The following XKR9 variants were observed in gnomAD, a reference collection of about 807,000 sequenced individuals.
The protein encoded by XKR9 is XK related 9, also known as XK-related protein 9.
A neutral mutation model predicts 32.0 loss-of-function variants in XKR9; 32 were observed. The observed-to-expected ratio is 1.00, with a 90% CI of 0.76 to 1.34. XKR9 has a LOEUF of 1.34. Ranked by LOEUF, XKR9 falls within the 40% of genes most tolerant of loss-of-function variation. XKR9 has a pLI of 0.00. For synonymous variants in XKR9, 168 were observed against 143.4 expected, an observed-to-expected ratio of 1.17 and a Z score of -1.22; for missense variants, 546 against 429.7, an observed-to-expected ratio of 1.27 and a Z score of -2.39.
At chr8:70,852,113 A>T in the XKR9 span, among the ~76,000 whole-genome samples, 2 of 152,232 alleles carry the variant, frequency 1.3e-5, no homozygotes, top group Non-Finnish European at 2.9e-5. Context: ...CCCATCAAAA[A>T]GTGGGTGAAA....
At chr8:70,888,704 A>G in the XKR9 span, among the ~76,000 whole-genome samples, 1 of 152,122 alleles carries the variant, frequency 6.6e-6, no homozygotes, top group East Asian at 1.9e-4. Flanking sequence ...TATTTTTTGA[A>G]GAGGATGTTC....
At chr8:70,970,883 G>A in the XKR9 span, among the ~76,000 whole-genome samples, 1 of 152,212 alleles carries the variant, frequency 6.6e-6, no homozygotes, top group Admixed American at 6.5e-5. Context: ...AATCATTGTG[G>A]AAGACAGTGT....
At chr8:70,966,230 T>C in the XKR9 span, among the ~76,000 whole-genome samples, 1 of 151,880 alleles carries the variant, frequency 6.6e-6, no homozygotes, top group Admixed American at 6.6e-5. Context: ...TGGTTTTGAG[T>C]GAGTTTCTTT....
chr8:70,855,240 G>A, the XKR9 span, among the ~76,000 whole-genome samples: 1 of 152,014 alleles, frequency 6.6e-6, no homozygotes, highest in Admixed American at 6.6e-5. Flanking sequence ...AAAAAAATTA[G>A]ACGAATGGTT....
At chr8:70,796,134 G>A in the XKR9 span, among the ~76,000 whole-genome samples, 4 of 151,882 alleles carry the variant, frequency 2.6e-5, no homozygotes. Context: ...TGTCACAGGG[G>A]TTTGGTGTAC....
At chr8:70,959,602 A>G in the XKR9 span, among the ~76,000 whole-genome samples, 1 of 152,206 alleles carries the variant, frequency 6.6e-6, no homozygotes, top group Non-Finnish European at 1.5e-5. Flanking sequence ...TTGCTGACTT[A>G]TGCATTTTAG....
At chr8:70,867,892 G>T in the XKR9 span, among the ~76,000 whole-genome samples, 3 of 152,230 alleles carry the variant, frequency 2.0e-5, no homozygotes, top group African/African-American at 7.2e-5. Context: ...TACAATGGGG[G>T]TATAGGCATT....
chr8:70,685,840 T>C (rs1356378955), intron 3 of XKR9, among the ~76,000 whole-genome samples: 2 of 151,654 alleles, frequency 1.3e-5, no homozygotes, highest in Non-Finnish European at 2.9e-5. Context: ...CATATGTAAC[T>C]AACCTGCATA....
chr8:70,755,899 T>TA (rs373747577), intron 2 of XKR9, among the ~76,000 whole-genome samples: 47,798 of 151,242 alleles, frequency 0.32, 8,803 homozygotes, highest in Non-Finnish European at 0.43. Flanking sequence ...ACCCTAAAAC[T>TA]TAAAGTATAA....
the XKR9 span, among the ~76,000 whole-genome samples, chr8:71,028,891 T>TGA: frequency 1.5e-5 from 2 of 133,330 alleles, no homozygotes; most frequent in African/African-American, 5.6e-5. Flanking sequence ...ATTCTAGAAA[T>TGA]GAGAGAGACA....
intron 3 of XKR9, among the ~76,000 whole-genome samples, chr8:70,706,600 C>T (rs976014907): frequency 7.9e-5 from 12 of 152,106 alleles, no homozygotes; most frequent in Admixed American, 7.9e-4. Context: ...ACTTTCAGCA[C>T]ATCACTCTAT....
chr8:70,788,578 G>T (rs1192902301), intron 2 of XKR9, among the ~76,000 whole-genome samples: 1 of 152,084 alleles, frequency 6.6e-6, no homozygotes, highest in Non-Finnish European at 1.5e-5. Context: ...TTACACTTAT[G>T]TAACATGGTA....
the XKR9 span, among the ~76,000 whole-genome samples, chr8:70,955,571 A>G: frequency 6.6e-6 from 1 of 152,080 alleles, no homozygotes; most frequent in Non-Finnish European, 1.5e-5. Flanking sequence ...TCCATAATCT[A>G]CCCTCATCTG....
chr8:71,048,679 A>G, the XKR9 span, among the ~76,000 whole-genome samples: 1 of 152,226 alleles, frequency 6.6e-6, no homozygotes, highest in Non-Finnish European at 1.5e-5. Flanking sequence ...TTTGATTCTT[A>G]GAATAAGTAA....
intron 2 of XKR9, among the ~76,000 whole-genome samples, chr8:70,746,467 AATTATAT>A (rs905886112): frequency 2.0e-5 from 3 of 148,242 alleles, no homozygotes; most frequent in African/African-American, 2.4e-5. Flanking sequence ...TATAAAATAT[AATTATAT>A]ATTATAATTA....
At chr8:70,785,739 CTA>C (rs58917686) in intron 2 of XKR9, among the ~76,000 whole-genome samples, 48,235 of 130,786 alleles carry the variant, frequency 0.37, 9,225 homozygotes, top group Middle Eastern at 0.5. Context: ...CTCTCTCTCT[CTA>C]TATATATATA....
At chr8:70,979,235 C>A in the XKR9 span, among the ~76,000 whole-genome samples, 2 of 152,212 alleles carry the variant, frequency 1.3e-5, no homozygotes, top group Admixed American at 6.5e-5. Context: ...AAGCCTACTT[C>A]TGTCAACTCG....
the XKR9 span, among the ~76,000 whole-genome samples, chr8:70,962,717 G>C: frequency 6.6e-6 from 1 of 152,244 alleles, no homozygotes; most frequent in East Asian, 1.9e-4. Context: ...AATTCAATGT[G>C]CATGAGTCTT....
chr8:70,729,265 G>C (rs1806581550), intron 4 of XKR9, among the ~76,000 whole-genome samples: 1 of 152,162 alleles, frequency 6.6e-6, no homozygotes, highest in Admixed American at 6.5e-5. Flanking sequence ...AGACAAATAT[G>C]CTCCAAATTT....
Sources: allele counts gnomAD v4.1 joint callset (sites outside exome capture counted in the v4.1 genomes callset), GRCh38; gene constraint gnomAD v4.1.1; transcripts MANE v1.5; gene names NCBI Gene and HGNC (gene_info 2026-07-23, HGNC 2026-07-21).